The following ADAM12 variants were observed in gnomAD, a reference collection of about 807,000 sequenced individuals.
ADAM12 encodes ADAM metallopeptidase domain 12, also known as disintegrin and metalloproteinase domain-containing protein 12.
In ADAM12, 70 loss-of-function variants were observed where a neutral mutation model predicts 106.4. That is an observed-to-expected ratio of 0.66 (90% CI 0.54 to 0.80). The LOEUF (loss-of-function observed/expected upper bound fraction) is 0.80, where lower values mean the gene tolerates loss of function less well. Among genes scored for constraint, ADAM12 ranks in the 30% least tolerant of loss-of-function variants. The pLI, the probability that ADAM12 is intolerant of heterozygous loss-of-function variation, is 0.00. For synonymous variants in ADAM12, 420 were observed against 433.5 expected, an observed-to-expected ratio of 0.97 and a Z score of 0.39; for missense variants, 1,010 against 1,171.9, an observed-to-expected ratio of 0.86 and a Z score of 2.02.
intron 2 of ADAM12, among the ~76,000 whole-genome samples, chr10:126,325,761 G>A (rs867313183): frequency 6.6e-6 from 1 of 152,108 alleles, no homozygotes; most frequent in East Asian, 1.9e-4. Context: ...CATGAAATTG[G>A]AATTTGGTTC....
At chr10:126,051,996 C>G (rs906828929) in intron 14 of ADAM12, among the ~76,000 whole-genome samples, 1 of 152,196 alleles carries the variant, frequency 6.6e-6, no homozygotes, top group Non-Finnish European at 1.5e-5. Flanking sequence ...CAAGGTAGGT[C>G]TCATTATTCC....
intron 11 of ADAM12, among the ~76,000 whole-genome samples, chr10:126,082,049 C>T (rs1955229068): frequency 1.3e-5 from 2 of 152,226 alleles, no homozygotes; most frequent in South Asian, 2.1e-4. Flanking sequence ...GCAAAACAGC[C>T]TGTTCCATTC....
intron 3 of ADAM12, among the ~76,000 whole-genome samples, chr10:126,176,182 C>T (rs1011056191): frequency 1.3e-5 from 2 of 152,226 alleles, no homozygotes; most frequent in Non-Finnish European, 2.9e-5. Context: ...AACTGCAGAA[C>T]GATCCCAAGT....
intron 3 of ADAM12, among the ~76,000 whole-genome samples, chr10:126,212,726 G>A (rs1957924131): frequency 6.6e-6 from 1 of 152,104 alleles, no homozygotes; most frequent in Non-Finnish European, 1.5e-5. Context: ...TTAATTAAAA[G>A]AGCAGCTTTG....
rs558544894 is a variant in ADAM12 at position 126,076,509 on chromosome 10, G to A, written c.1146-4855C>T. ...AACTGCCAAACTGCTTTCCACAGTG[G>A]CTAGCCTTGCCAGCATCTGTTATTT... On this transcript the variant is annotated intron_variant, in intron 11 of 22. Transcript: ENST00000448723. Among the ~76,000 whole-genome samples the A allele has an allele frequency of 1.9e-3, 296 of 152,258 alleles. 1 individual carries two copies. Among genetic ancestry groups the A allele is most frequent in the Non-Finnish European group, 3.3e-3 (226 of 68,018 alleles).
intron 20 of ADAM12, among the ~76,000 whole-genome samples, chr10:126,037,902 C>T (rs1393312704): frequency 1.3e-5 from 2 of 152,216 alleles, no homozygotes; most frequent in African/African-American, 2.4e-5. Context: ...GCATTGGGGG[C>T]TGGTGTCAGG....
intron 3 of ADAM12, among the ~76,000 whole-genome samples, chr10:126,227,788 C>T (rs1025871066): frequency 6.6e-6 from 1 of 152,130 alleles, no homozygotes; most frequent in African/African-American, 2.4e-5. Context: ...TTCTGACAAC[C>T]TCACTAGGCC....
At chr10:126,029,342 G>C (rs1244960894) in intron 21 of ADAM12, among the ~76,000 whole-genome samples, 2 of 152,088 alleles carry the variant, frequency 1.3e-5, no homozygotes, top group East Asian at 3.9e-4. Context: ...ATCAACCTAA[G>C]TGCCCATCAG....
chr10:126,353,714 A>C (rs1002008003), intron 1 of ADAM12, among the ~76,000 whole-genome samples: 1 of 152,216 alleles, frequency 6.6e-6, no homozygotes, highest in South Asian at 2.1e-4. Context: ...AGCTAATGGA[A>C]TCCAGGTCTA....
At position 126,187,062 on chromosome 10, in the gene ADAM12, C is replaced by T. The variant is rs188844500; in HGVS notation, c.261-31757G>A. On this transcript the variant is annotated intron_variant, in intron 3 of 22. Transcript: ENST00000448723. Reference sequence around the variant, plus strand: ...TTCACTGTCTTGCAGCTCCTCTCTGCCCCAGTTTTAAGCTAATTACATGAA... The same window carrying T: ...TTCACTGTCTTGCAGCTCCTCTCTGTCCCAGTTTTAAGCTAATTACATGAA... Among the ~76,000 whole-genome samples the T allele has an allele frequency of 8.1e-4, 123 of 152,276 alleles. 1 individual carries two copies. In the East Asian group the frequency reaches 0.023, roughly 29 times the overall value.
chr10:126,252,224 TGGATTAGA>T (rs1323515389), intron 3 of ADAM12, among the ~76,000 whole-genome samples: 79 of 59,404 alleles, frequency 1.3e-3, no homozygotes, highest in Non-Finnish European at 1.8e-3. Context: ...GATGGATGGA[TGGATTAGA>T]TGGATGGATT....
chr10:126,317,551 G>T (rs1853924092), intron 2 of ADAM12, among the ~76,000 whole-genome samples: 1 of 152,142 alleles, frequency 6.6e-6, no homozygotes, highest in South Asian at 2.1e-4. Context: ...ATGGATCAAT[G>T]CAAGGAATGT....
chr10:126,061,591 C>T (rs944399937), intron 14 of ADAM12, among the ~76,000 whole-genome samples: 2 of 152,074 alleles, frequency 1.3e-5, no homozygotes, highest in Admixed American at 6.6e-5. Flanking sequence ...TCAAAAGGGT[C>T]CTTATAAGAG....
chr10:126,374,353 AATCCACAGTAATACAGAATCAGC>A (rs145291696), intron 1 of ADAM12, among the ~76,000 whole-genome samples: 2,924 of 152,332 alleles, frequency 0.019, 99 homozygotes, highest in African/African-American at 0.065. Flanking sequence ...TGGAAGAGAT[AATCCACAGTAATACAGAATCAGC>A]ATCCTAAGAA....
At chr10:126,320,621 G>T in intron 2 of ADAM12, among the ~76,000 whole-genome samples, 1 of 152,142 alleles carries the variant, frequency 6.6e-6, no homozygotes, top group Middle Eastern at 3.2e-3. Context: ...GTAGATGAAG[G>T]CTTCCTCAGC....
chr10:126,386,775 T>C (rs1419759722), intron 1 of ADAM12, among the ~76,000 whole-genome samples: 2 of 152,374 alleles, frequency 1.3e-5, no homozygotes, highest in African/African-American at 4.8e-5. Context: ...CACTTTCCGT[T>C]TTTTAAAAAG....
rs1335676653 is a variant in ADAM12 at position 126,113,704 on chromosome 10, AT to A, written c.604-3865del. Among the ~76,000 whole-genome samples, 129 of 61,442 alleles carry A rather than the reference AT, an allele frequency of 2.1e-3. 7 individuals are homozygous for A. Among genetic ancestry groups the A allele is most frequent in the African/African-American group, 6.9e-3 (103 of 14,914 alleles). 40.3% of individuals were successfully genotyped at this position (61,442 alleles called of 152,430 possible). Reference sequence around the variant, plus strand: ...AAAAAAAAAATATATATATATATATATATATATATATATATATATATATATA... The same window carrying A: ...AAAAAAAAAATATATATATATATATAATATATATATATATATATATATATA... On this transcript the variant is annotated intron_variant, in intron 6 of 22. Transcript: ENST00000448723.
At chr10:126,347,888 A>G (rs1435757933) in intron 1 of ADAM12, among the ~76,000 whole-genome samples, 2 of 152,186 alleles carry the variant, frequency 1.3e-5, no homozygotes, top group African/African-American at 4.8e-5. Context: ...GGAGTCAGAC[A>G]TCCAGTGACG....
At chr10:126,237,346 C>G (rs1958438321) in intron 3 of ADAM12, among the ~76,000 whole-genome samples, 1 of 152,108 alleles carries the variant, frequency 6.6e-6, no homozygotes, top group South Asian at 2.1e-4. Context: ...CTATTCTATT[C>G]TATTCTATTA....
Sources: gnomAD v4.1 joint callset for allele counts (sites outside exome capture counted in the v4.1 genomes callset) on GRCh38, gnomAD v4.1.1 for gene constraint, MANE v1.5 for transcripts, NCBI Gene and HGNC (gene_info 2026-07-23, HGNC 2026-07-21) for gene names.